The following ABLIM2 variants were observed in gnomAD, a reference collection of about 807,000 sequenced individuals.
The protein encoded by ABLIM2 is actin binding LIM protein family member 2.
A neutral mutation model predicts 97.7 loss-of-function variants in ABLIM2; 53 were observed. The ratio of observed to expected loss-of-function variants is 0.54; its 90% CI spans 0.44 to 0.68. ABLIM2 has a LOEUF of 0.68. Ranked by LOEUF, ABLIM2 falls within the 30% of genes least tolerant of loss-of-function variation. The pLI is 0.00. For synonymous variants in ABLIM2, 361 were observed against 345.8 expected (o/e 1.04, Z -0.49); for missense variants, 835 against 867.2 (o/e 0.96, Z 0.47).
At chr4:8,097,370 ACAC>A (rs1051846355) in intron 2 of ABLIM2, 88 bp from the exon 3 acceptor site, 9 of 1,450,536 alleles carry the variant, frequency 6.2e-6, no homozygotes, top group South Asian at 1.2e-5. Context: ...CTCCACACAC[ACAC>A]CACCACCTGA....
In ABLIM2 at chr4:8,087,138, C is replaced by T. The variant is rs780664890; in HGVS notation, c.454+1031G>A. On this transcript the variant is annotated intron_variant, in intron 4 of 20. Transcript: ENST00000447017. The surrounding 1 kb of genome is among the most constrained non-coding windows in gnomAD (Gnocchi z 4.6). Reference sequence around the variant, plus strand: ...TTAATTGCGGGCAAGATGTTGACCCCAGAAATCAGGAGAAACCCCTCCTCT... The same window carrying T: ...TTAATTGCGGGCAAGATGTTGACCCTAGAAATCAGGAGAAACCCCTCCTCT... 6.6e-5 allele frequency among the ~76,000 whole-genome samples: 10 copies of T among 152,304 alleles called. No homozygotes were observed. The highest frequency in any genetic ancestry group is 1.2e-4 in the Non-Finnish European group (8 of 68,020).
chr4:8,020,136 G>C, intron 13 of ABLIM2, 66 bp downstream of exon 13: 1 of 1,453,288 alleles, frequency 6.9e-7, no homozygotes, highest in South Asian at 1.3e-5. Flanking sequence ...GACAGTTTGG[G>C]TGTGGCCAGT....
At chr4:8,114,660 A>G (rs1345074882) in intron 1 of ABLIM2, among the ~76,000 whole-genome samples, 1 of 152,158 alleles carries the variant, frequency 6.6e-6, no homozygotes, top group Non-Finnish European at 1.5e-5. Flanking sequence ...CACGGCCATC[A>G]CTGCCTGGGC....
Position 8,140,163 on chromosome 4 carries a change from T to C in ABLIM2, c.10+18517A>G, listed in dbSNP as rs1850750818. Among the ~76,000 whole-genome samples, 1 of 151,864 alleles carries C rather than the reference T, an allele frequency of 6.6e-6. No individual in the cohort carries two copies. Among genetic ancestry groups the C allele is most frequent in the African/African-American group, 2.4e-5 (1 of 41,332 alleles). ...CTAATGCACGCAGGGCTCAATACCTTGGTGTGGGTTAACAGGTGCGGCAAA... is the reference window on the plus strand; with the variant it reads ...CTAATGCACGCAGGGCTCAATACCTCGGTGTGGGTTAACAGGTGCGGCAAA... On this transcript the variant is annotated intron_variant, in intron 1 of 20. Coordinates refer to ENST00000447017, the MANE Select transcript of ABLIM2 (RefSeq NM_001130083.2). This position sits in a 1 kb window ranked among gnomAD's most constrained non-coding sequence, Gnocchi z 5.9.
chr4:7,980,941 A>ATCTTTTTTTTTTTTT lies in ABLIM2; in HGVS notation c.1824+2322_1824+2323insAAAAAAAAAAAAAGA, dbSNP rs1483414043. Among the ~76,000 whole-genome samples, 19 of 82,978 alleles carry ATCTTTTTTTTTTTTT rather than the reference A, an allele frequency of 2.3e-4. 1 individual carries two copies. The highest frequency in any genetic ancestry group is 7.7e-4 in the African/African-American group (14 of 18,104). 54.4% of individuals were successfully genotyped at this position (82,978 alleles called of 152,430 possible). A position where few individuals can be genotyped will look rare whatever the true frequency, so the allele number is the denominator to read the frequency against. ...AGAACCATGGTCTCCACAACCCCTTATTTTTTTTTTTTTTTTTTTTGAGAT... is the reference window on the plus strand; with the variant it reads ...AGAACCATGGTCTCCACAACCCCTTATCTTTTTTTTTTTTTTTTTTTTTTTTTTTTTTTTTGAGAT... On this transcript the variant is annotated intron_variant, in intron 20 of 20. Coordinates refer to ENST00000447017, the MANE Select transcript of ABLIM2 (RefSeq NM_001130083.2).
At position 8,029,642 on chromosome 4, in the gene ABLIM2, A is replaced by T; in HGVS notation, c.1168+14T>A. 1 of 1,498,052 alleles carries T rather than the reference A, an allele frequency of 6.7e-7. No homozygotes were observed. The highest frequency in any genetic ancestry group is 9.0e-7 in the Non-Finnish European group (1 of 1,113,230). The allele number at this position is 1,498,052 out of a possible 1,614,324, so 92.8% of individuals were successfully genotyped here. A position where few individuals can be genotyped will look rare whatever the true frequency, so the allele number is the denominator to read the frequency against. ...AGCATCCTGGGGGCTCAGAGGAACC[A>T]GGGGGCCAAGTACCTGGACGGCTGT... is the stretch of plus-strand genomic sequence containing the variant. On this transcript the variant is annotated intron_variant, in intron 11 of 20. Coordinates refer to ENST00000447017, the MANE Select transcript of ABLIM2 (RefSeq NM_001130083.2).
In ABLIM2 at chr4:8,061,646, C is replaced by T. The variant is rs1221852439; in HGVS notation, c.676-592G>A. 6.8e-6 allele frequency among the ~76,000 whole-genome samples: 1 copy of T among 147,930 alleles called. No homozygotes were observed. Among genetic ancestry groups the T allele is most frequent in the Non-Finnish European group, 1.5e-5 (1 of 67,752 alleles). On this transcript the variant is annotated intron_variant, in intron 6 of 20. Transcript: ENST00000447017. The surrounding 1 kb of genome is among the most constrained non-coding windows in gnomAD (Gnocchi z 4.5). ...CATTGCCTGGTTTGGCTTATTTTTG[C>T]CTGGAGCAAAAAAAAAAAAAATCAC...
intron 12 of ABLIM2, among the ~76,000 whole-genome samples, chr4:8,024,169 T>C (rs1364634914): frequency 6.6e-6 from 1 of 152,078 alleles, no homozygotes; most frequent in Non-Finnish European, 1.5e-5. Context: ...CCTCCTTCCT[T>C]CTCAGGCCAG....
intron 12 of ABLIM2, among the ~76,000 whole-genome samples, chr4:8,027,234 C>T (rs1777983585): frequency 6.6e-6 from 1 of 152,202 alleles, no homozygotes; most frequent in Non-Finnish European, 1.5e-5. Context: ...CCCTGCGTGA[C>T]CAGCATGTGG....
At position 8,050,906 on chromosome 4, in the gene ABLIM2, C is replaced by G. The variant is rs536812556; in HGVS notation, c.822+3282G>C. 1.2e-4 allele frequency among the ~76,000 whole-genome samples: 18 copies of G among 152,382 alleles called. No homozygotes were observed. In the East Asian group the frequency reaches 3.3e-3, roughly 28 times the overall value. On this transcript the variant is annotated intron_variant, in intron 8 of 20. Transcript: ENST00000447017. ...AGCCCTCTGTTAAAAATAACTGCTT[C>G]AAAAGCAACTTCAAACAGAGCCCAG...
At chr4:7,974,143 T>C (rs1051910029) in intron 20 of ABLIM2, among the ~76,000 whole-genome samples, 10 of 152,190 alleles carry the variant, frequency 6.6e-5, no homozygotes, top group African/African-American at 2.2e-4. Flanking sequence ...ATAAATTTCT[T>C]AGTATATGGC....
chr4:8,106,778 G>T, intron 1 of ABLIM2, 141 bp from the exon 2 acceptor site: 1 of 1,082,750 alleles, frequency 9.2e-7, no homozygotes, highest in South Asian at 1.7e-5. Flanking sequence ...GGGCATCGGG[G>T]TCGGTCTGTT....
chr4:8,027,254 C>G (rs1393921982), intron 12 of ABLIM2, among the ~76,000 whole-genome samples: 1 of 152,172 alleles, frequency 6.6e-6, no homozygotes. Context: ...GGTGCCCGTG[C>G]AGGGATGTGG....
At position 8,127,791 on chromosome 4, in the gene ABLIM2, G is replaced by A. The variant is rs1038128826; in HGVS notation, c.11-21154C>T. 2.1e-4 allele frequency: 185 copies of A among 874,790 alleles called. No homozygotes were observed. Among genetic ancestry groups the A allele is most frequent in the Admixed American group, 2.5e-4 (4 of 15,784 alleles). The allele number at this position is 874,790 out of a possible 1,614,324, so 54.2% of individuals were successfully genotyped here. ...GAAATAGACTCCCGCCACACTATGC[G>A]CCAGAGACACACCTGTCTCCCAGGC... On this transcript the variant is annotated intron_variant, in intron 1 of 20. Transcript: ENST00000447017. This position sits in a 1 kb window ranked among gnomAD's most constrained non-coding sequence, Gnocchi z 7.3.
intron 10 of ABLIM2, among the ~76,000 whole-genome samples, chr4:8,034,531 TA>T: frequency 4.1e-5 from 1 of 24,500 alleles, no homozygotes. Flanking sequence ...GGGTGGGTGG[TA>T]GGTAGGTGGG....
intron 1 of ABLIM2, among the ~76,000 whole-genome samples, chr4:8,153,068 G>A (rs1713633002): frequency 1.3e-5 from 2 of 152,166 alleles, no homozygotes; most frequent in South Asian, 2.1e-4. Context: ...GATGGCATCA[G>A]GCCAGCAGCC....
At chr4:7,983,431 A>G in intron 19 of ABLIM2, 87 bp from the exon 20 acceptor site, 1 of 1,578,312 alleles carries the variant, frequency 6.3e-7, no homozygotes, top group Non-Finnish European at 8.6e-7. Context: ...CCGAGAATAC[A>G]TACTTGCGTC....
At chr4:7,995,749 C>T (rs184582843) in intron 16 of ABLIM2, among the ~76,000 whole-genome samples, 1 of 152,344 alleles carries the variant, frequency 6.6e-6, no homozygotes, top group African/African-American at 2.4e-5. Context: ...TTTATGTGAA[C>T]CCCGATATGC....
chr4:8,009,756 G>A (rs903944546), intron 14 of ABLIM2, among the ~76,000 whole-genome samples: 7 of 152,188 alleles, frequency 4.6e-5, no homozygotes, highest in Non-Finnish European at 7.3e-5. Context: ...GGTCTCAGTC[G>A]TGGAGGCCTA....
Sources: gnomAD v4.1 joint callset for allele counts (sites outside exome capture counted in the v4.1 genomes callset) on GRCh38, gnomAD v4.1.1 for gene constraint, Gnocchi (gnomAD v3.1) non-coding constraint, MANE v1.5 for transcripts, NCBI Gene and HGNC (gene_info 2026-07-23, HGNC 2026-07-21) for gene names.